The following CNOT2 variants were observed in gnomAD, a reference collection of about 807,000 sequenced individuals.
CNOT2 encodes the protein CC chemokine receptor 4-negative regulator of transcription 2.
A neutral mutation model predicts 72.1 loss-of-function variants in CNOT2; 7 were observed. The ratio of observed to expected loss-of-function variants is 0.10; its 90% confidence interval spans 0.06 to 0.18. CNOT2 has a LOEUF of 0.18. Among genes scored for constraint, CNOT2 ranks in the 10% least tolerant of loss-of-function variants. The pLI is 1.00. For synonymous variants in CNOT2, 196 were observed against 225.6 expected, an observed-to-expected ratio of 0.87 and a Z score of 1.17; for missense variants, 345 against 660.3, an observed-to-expected ratio of 0.52 and a Z score of 5.23.
intron 1 of CNOT2, among the ~76,000 whole-genome samples, chr12:70,271,788 T>C (rs1422050771): frequency 2.0e-5 from 3 of 152,180 alleles, no homozygotes; most frequent in African/African-American, 7.2e-5. Context: ...GAGACAGCTA[T>C]TAAAAAATTA....
At chr12:70,308,588 A>T (rs199539522) in intron 2 of CNOT2, among the ~76,000 whole-genome samples, 7,820 of 142,080 alleles carry the variant, frequency 0.055, 312 homozygotes, top group East Asian at 0.13. Context: ...TCTCTCTCAC[A>T]CACACACACA....
At position 70,346,253 on chromosome 12, in the gene CNOT2, A is replaced by G; in HGVS notation, c.1465A>G (p.Met489Val). The part of the protein sequence containing the change: ...ITRAPGMEPT[M>V]KTNTYERGTY... ...CAGGGCACCAGGCATGGAGCCAACA[A>G]TGAAAACCAATACCTATGAGAGGGG... Residue 489 changes from methionine (M) to valine (V), a missense_variant, in exon 15 of 16, where the codon ATG becomes GTG. Physicochemically the swap from Met to Val is conservative, Grantham distance 21. Coordinates refer to ENST00000229195, the MANE Select transcript of CNOT2 (RefSeq NM_014515.7). 6.2e-7 allele frequency: 1 copy of G among 1,611,100 alleles called. No individual in the cohort carries two copies.
At chr12:70,312,296 C>T (rs1037113684) in intron 3 of CNOT2, among the ~76,000 whole-genome samples, 1 of 151,702 alleles carries the variant, frequency 6.6e-6, no homozygotes, top group Non-Finnish European at 1.5e-5. Flanking sequence ...GTAGTATCGC[C>T]GCAGAAACGA....
At chr12:70,317,611 A>ATTTTTTTTT (rs529433652) in intron 3 of CNOT2, among the ~76,000 whole-genome samples, 1 of 105,456 alleles carries the variant, frequency 9.5e-6, no homozygotes, top group Non-Finnish European at 1.9e-5. Flanking sequence ...ATAAGGTTTG[A>ATTTTTTTTT]TTTTTTTTTT....
intron 2 of CNOT2, among the ~76,000 whole-genome samples, chr12:70,300,324 G>T (rs1274747313): frequency 6.6e-6 from 1 of 152,130 alleles, no homozygotes; most frequent in Non-Finnish European, 1.5e-5. Context: ...TATTGCCTAG[G>T]TTTTCTTCTA....
intron 2 of CNOT2, among the ~76,000 whole-genome samples, chr12:70,293,513 T>TA (rs1410987052): frequency 1.3e-5 from 2 of 152,202 alleles, no homozygotes; most frequent in Non-Finnish European, 2.9e-5. Flanking sequence ...TTTAAAATCT[T>TA]AAAATTTTTC....
chr12:70,336,131 CCT>C (rs749158577), intron 8 of CNOT2: 1 of 152,276 alleles, frequency 6.6e-6, no homozygotes, highest in Non-Finnish European at 1.5e-5. Context: ...ACCCCCATAG[CCT>C]CTATTGTGAC....
chr12:70,353,768 A>G, intron 15 of CNOT2, 61 bp from the exon 16 acceptor site: 2 of 1,591,682 alleles, frequency 1.3e-6, no homozygotes, highest in African/African-American at 2.7e-5. Context: ...AGTAAAATGT[A>G]TTTTGACAAA....
At chr12:70,353,209 A>G (rs772992759) in intron 15 of CNOT2, among the ~76,000 whole-genome samples, 2 of 151,556 alleles carry the variant, frequency 1.3e-5, no homozygotes, top group African/African-American at 2.4e-5. Flanking sequence ...AGTAGCTGCT[A>G]CTACAGGCGT....
At chr12:70,283,130 T>C (rs1870166205) in intron 2 of CNOT2, among the ~76,000 whole-genome samples, 1 of 152,166 alleles carries the variant, frequency 6.6e-6, no homozygotes, top group South Asian at 2.1e-4. Flanking sequence ...TCTTTTATTG[T>C]TAAGTGGCAC....
At chr12:70,344,996 C>G (rs1483080343) in intron 14 of CNOT2, 1 of 152,056 alleles carries the variant, frequency 6.6e-6, no homozygotes, top group African/African-American at 2.4e-5. Context: ...AGTCTATTGG[C>G]CAGTTTAAAC....
At chr12:70,303,336 T>C (rs929141788) in intron 2 of CNOT2, among the ~76,000 whole-genome samples, 5 of 152,126 alleles carry the variant, frequency 3.3e-5, no homozygotes, top group African/African-American at 1.2e-4. Flanking sequence ...ATTTGGCATG[T>C]TTTTGCAGTG....
At chr12:70,290,552 G>A (rs1044785250) in intron 2 of CNOT2, among the ~76,000 whole-genome samples, 1 of 152,008 alleles carries the variant, frequency 6.6e-6, no homozygotes, top group African/African-American at 2.4e-5. Context: ...TGTCCTGCAC[G>A]GCCTGATATC....
chr12:70,337,271 A>T (rs891611852), intron 8 of CNOT2, 118 bp from the exon 9 acceptor site: 1 of 738,894 alleles, frequency 1.4e-6, no homozygotes. Context: ...GTACGCTTTC[A>T]TAGCATTAAA....
At chr12:70,278,072 CT>C in intron 1 of CNOT2, 59 bp from the exon 2 acceptor site, 1 of 517,728 alleles carries the variant, frequency 1.9e-6, no homozygotes. Context: ...AATATTTTTG[CT>C]GCTGTTGATA....
Position 70,264,713 on chromosome 12 carries a change from C to G in CNOT2, c.-95-13419C>G, listed in dbSNP as rs142649262. Among the ~76,000 whole-genome samples, 421 of 152,204 alleles carry G rather than the reference C, an allele frequency of 2.8e-3. 1 individual carries two copies. The highest frequency in any genetic ancestry group is 8.6e-3 in the African/African-American group (359 of 41,524). On this transcript the variant is annotated intron_variant, in intron 1 of 15. Transcript: ENST00000229195. Reference sequence around the variant, plus strand: ...ACTGGAAACTAGGCAGGGAGAGAGCCCTGTCTTGACCCCATCTGCCAGGAT... The same window carrying G: ...ACTGGAAACTAGGCAGGGAGAGAGCGCTGTCTTGACCCCATCTGCCAGGAT...
intron 2 of CNOT2, among the ~76,000 whole-genome samples, chr12:70,279,062 A>C (rs1186636449): frequency 6.6e-6 from 1 of 152,184 alleles, no homozygotes; most frequent in Non-Finnish European, 1.5e-5. Flanking sequence ...AGTACAAATA[A>C]ACTTTTAGGC....
chr12:70,289,918 T>G (rs11837350), intron 2 of CNOT2, among the ~76,000 whole-genome samples: 47 of 152,300 alleles, frequency 3.1e-4, no homozygotes, highest in African/African-American at 9.6e-4. Context: ...TTGGAAACTT[T>G]ATCTTGTTGA....
At chr12:70,292,357 G>T (rs1444097777) in intron 2 of CNOT2, among the ~76,000 whole-genome samples, 1 of 152,130 alleles carries the variant, frequency 6.6e-6, no homozygotes, top group Admixed American at 6.5e-5. Context: ...GATAAGTCTC[G>T]GATTGGAGAA....
Sources: gnomAD v4.1 joint callset for allele counts (sites outside exome capture counted in the v4.1 genomes callset) on GRCh38, gnomAD v4.1.1 for gene constraint, MANE v1.5 for transcripts, NCBI Gene and HGNC (gene_info 2026-07-23, HGNC 2026-07-21) for gene names.